MAGI2: variants seen among roughly 807,000 people sequenced by gnomAD.
MAGI2 encodes the protein membrane associated guanylate kinase, WW and PDZ domain containing 2.
Under a neutral mutation model 133.3 loss-of-function variants are expected in MAGI2, and 35 were observed. The ratio of observed to expected loss-of-function variants is 0.26; its 90% CI spans 0.20 to 0.35. The LOEUF is 0.35. MAGI2 is among the 10% of genes least tolerant of loss of function. MAGI2 has a pLI of 1.00. For synonymous variants in MAGI2, 729 were observed against 710.6 expected, an observed-to-expected ratio of 1.03 and a Z score of -0.41; for missense variants, 1,636 against 1,863.4, an observed-to-expected ratio of 0.88 and a Z score of 2.25.
intron 1 of MAGI2, among the ~76,000 whole-genome samples, chr7:79,097,670 C>G (rs1347589904): frequency 1.3e-5 from 2 of 152,170 alleles, no homozygotes; most frequent in South Asian, 4.1e-4. Context: ...ATAGGAAAAA[C>G]CTGCACCAGT....
intron 9 of MAGI2, among the ~76,000 whole-genome samples, chr7:78,307,339 G>C (rs1295333865): frequency 6.6e-6 from 1 of 152,102 alleles, no homozygotes; most frequent in Non-Finnish European, 1.5e-5. Context: ...AATTTAAATA[G>C]GTGCAGATAC....
chr7:78,596,155 A>G (rs931038227), intron 3 of MAGI2, among the ~76,000 whole-genome samples: 2 of 134,366 alleles, frequency 1.5e-5, no homozygotes, highest in Non-Finnish European at 3.2e-5. Flanking sequence ...TGAAGGAAGG[A>G]AGGGAGGGAG....
intron 7 of MAGI2, among the ~76,000 whole-genome samples, chr7:78,352,331 C>G (rs1045469869): frequency 2.0e-5 from 3 of 152,074 alleles, no homozygotes; most frequent in Non-Finnish European, 4.4e-5. Flanking sequence ...TTTAGAAGTA[C>G]TAGATTAAAG....
At chr7:78,123,656 A>C (rs929032718) in intron 20 of MAGI2, among the ~76,000 whole-genome samples, 2 of 152,230 alleles carry the variant, frequency 1.3e-5, no homozygotes, top group African/African-American at 2.4e-5. Flanking sequence ...ACAAAATTTC[A>C]GCACGATACT....
chr7:78,982,434 T>G (rs137919899), intron 2 of MAGI2, among the ~76,000 whole-genome samples: 2 of 152,032 alleles, frequency 1.3e-5, no homozygotes, highest in East Asian at 3.9e-4. Context: ...TGGCTTTTTG[T>G]AAGCACTCAT....
intron 1 of MAGI2, among the ~76,000 whole-genome samples, chr7:79,167,434 CAAAATA>C (rs1168048772): frequency 7.1e-6 from 1 of 140,528 alleles, no homozygotes; most frequent in African/African-American, 2.6e-5. Context: ...GGCAAAACAT[CAAAATA>C]AAAAAGTAAA....
At chr7:78,180,010 C>A (rs923913271) in intron 13 of MAGI2, among the ~76,000 whole-genome samples, 7 of 152,108 alleles carry the variant, frequency 4.6e-5, no homozygotes, top group Non-Finnish European at 8.8e-5. Flanking sequence ...AAGGGGAGAT[C>A]GGAGATGACA....
At chr7:78,493,602 C>T (rs763689739) in intron 5 of MAGI2, among the ~76,000 whole-genome samples, 1 of 151,226 alleles carries the variant, frequency 6.6e-6, no homozygotes, top group Non-Finnish European at 1.5e-5. Context: ...GCATTAAACC[C>T]AGATATATCT....
Position 78,332,522 on chromosome 7 carries a change from T to TC in MAGI2, c.1408+11255dup, listed in dbSNP as rs199500769. Among the ~76,000 whole-genome samples, 1,258 of 152,074 alleles carry TC rather than the reference T, an allele frequency of 8.3e-3. 46 individuals carry two copies. The highest frequency in any genetic ancestry group is 0.08 in the South Asian group (385 of 4,816). On this transcript the variant is annotated intron_variant, in intron 9 of 21. Coordinates refer to ENST00000354212, the MANE Select transcript of MAGI2 (RefSeq NM_012301.4). ...GACCATCCTGGCTAAAATGGTGAAA[T>TC]CCCATCTCTACTAAAAATAGAAAAA...
At chr7:79,354,738 G>A (rs563308388) in intron 1 of MAGI2, among the ~76,000 whole-genome samples, 1 of 152,166 alleles carries the variant, frequency 6.6e-6, no homozygotes, top group Admixed American at 6.5e-5. Flanking sequence ...TCACCTCGGT[G>A]TGCCTCACAA....
intron 2 of MAGI2, among the ~76,000 whole-genome samples, chr7:78,728,966 T>G (rs952334164): frequency 6.6e-6 from 1 of 152,204 alleles, no homozygotes; most frequent in African/African-American, 2.4e-5. Flanking sequence ...CAACTAGTTC[T>G]TAGGCTTCTG....
chr7:78,856,526 T>G (rs920196092), intron 2 of MAGI2, among the ~76,000 whole-genome samples: 89 of 152,304 alleles, frequency 5.8e-4, no homozygotes, highest in African/African-American at 2.0e-3. Flanking sequence ...CCCCATTGCT[T>G]GTTTTTGTCA....
intron 2 of MAGI2, among the ~76,000 whole-genome samples, chr7:78,688,053 A>G (rs971533589): frequency 1.3e-5 from 2 of 151,856 alleles, no homozygotes; most frequent in Non-Finnish European, 2.9e-5. Context: ...CATATAGCAA[A>G]TAAGTGTGGG....
chr7:78,852,045 A>C (rs1177087906), intron 2 of MAGI2, among the ~76,000 whole-genome samples: 1 of 152,156 alleles, frequency 6.6e-6, no homozygotes, highest in East Asian at 1.9e-4. Flanking sequence ...CTTGACAGAT[A>C]TTATATTGCC....
intron 2 of MAGI2, among the ~76,000 whole-genome samples, chr7:78,983,560 ATC>A (rs1584576371): frequency 1.3e-5 from 2 of 151,892 alleles, no homozygotes; most frequent in African/African-American, 4.8e-5. Flanking sequence ...TATGCCAATA[ATC>A]TCTATCAGCC....
At position 78,135,039 on chromosome 7, in the gene MAGI2, G is replaced by A. The variant is rs1286180540; in HGVS notation, c.3013C>T (p.Arg1005Cys). 6.8e-6 allele frequency: 11 copies of A among 1,613,946 alleles called. No individual in the cohort carries two copies. Among genetic ancestry groups the A allele is most frequent in the East Asian group, 2.2e-5 (1 of 44,886 alleles). ...CACTCACCCTCCTGAGGAATGATGC[G>A]AAGGGTGACACTAAGACCTGCATCC... ...IKDAGLSVTL[R>C]IIPQEELNSP... The change falls in exon 17 of 22, where the codon CGC (arginine) becomes TGC (cysteine). Residue 1005 changes from arginine to cysteine, a missense_variant. Physicochemically the swap from Arg to Cys is radical, Grantham distance 180 (BLOSUM62 -3). This residue lies in a region of MAGI2 where 920 missense variants were observed against 1,093.5 expected (regional missense o/e 0.84). Coordinates refer to ENST00000354212, the MANE Select transcript of MAGI2 (RefSeq NM_012301.4).
At chr7:78,641,902 C>T (rs571340260) in intron 2 of MAGI2, among the ~76,000 whole-genome samples, 37 of 152,276 alleles carry the variant, frequency 2.4e-4, no homozygotes, top group African/African-American at 8.4e-4. Flanking sequence ...AGTGGAAACA[C>T]ATCTGTTCCT....
intron 1 of MAGI2, among the ~76,000 whole-genome samples, chr7:79,395,012 A>C (rs1844935960): frequency 6.6e-6 from 1 of 152,196 alleles, no homozygotes; most frequent in Non-Finnish European, 1.5e-5. Context: ...TCTGAGAAAA[A>C]ATTCAGTCAT....
At position 78,818,902 on chromosome 7, in the gene MAGI2, C is replaced by T. The variant is rs565000963; in HGVS notation, c.418+188188G>A. 3.9e-5 allele frequency among the ~76,000 whole-genome samples: 6 copies of T among 152,204 alleles called. No individual in the cohort carries two copies. The South Asian group carries it at 1.2e-3, about 32-fold the overall frequency. On this transcript the variant is annotated intron_variant, in intron 2 of 21. Transcript: ENST00000354212. ...CTATTACACAGCTTACATCAATTCT[C>T]AGAACACTACAAAACTTAACTTAGT...
Sources: allele counts gnomAD v4.1 joint callset (sites outside exome capture counted in the v4.1 genomes callset), GRCh38; gene constraint gnomAD v4.1.1; regional missense constraint gnomAD v4.1.1; transcripts MANE v1.5; gene names NCBI Gene and HGNC (gene_info 2026-07-23, HGNC 2026-07-21).